The following TEX36 variants were observed in gnomAD, a reference collection of about 807,000 sequenced individuals.
TEX36 encodes the protein testis-expressed protein 36.
In TEX36, 12 loss-of-function variants were observed where a neutral mutation model predicts 13.6. The observed-to-expected ratio is 0.88, with a 90% CI of 0.56 to 1.43. The LOEUF is 1.43. Among genes scored for constraint, TEX36 ranks in the 40% most tolerant of loss-of-function variants. The pLI, the probability that TEX36 is intolerant of heterozygous loss-of-function variation, is 0.00. For missense variants in TEX36, 224 were observed against 228.3 expected (o/e 0.98, Z 0.12); for synonymous variants, 93 against 83.0 (o/e 1.12, Z -0.65).
chr10:125,618,942 TAAAAAAAAAA>T (rs11452140), downstream of TEX36, among the ~76,000 whole-genome samples: 758 of 43,588 alleles, frequency 0.017, 16 homozygotes, highest in African/African-American at 0.07. Flanking sequence ...CCGTCTCTAC[TAAAAAAAAAA>T]AAAAAAAAAA....
At chr10:125,603,823 A>T (rs1264491039) in intron 3 of TEX36, among the ~76,000 whole-genome samples, 2 of 152,116 alleles carry the variant, frequency 1.3e-5, no homozygotes, top group African/African-American at 2.4e-5. Context: ...CCACCGGAAC[A>T]CAGGACCCTC....
downstream of TEX36, among the ~76,000 whole-genome samples, chr10:125,651,511 C>A (rs2044369081): frequency 6.6e-6 from 1 of 152,106 alleles, no homozygotes; most frequent in Non-Finnish European, 1.5e-5. Flanking sequence ...ATAATAAGAG[C>A]TATTTATGAC....
intron 1 of TEX36, among the ~76,000 whole-genome samples, chr10:125,665,907 A>G (rs1222677144): frequency 6.6e-6 from 1 of 152,098 alleles, no homozygotes; most frequent in Non-Finnish European, 1.5e-5. Context: ...TCTTATAGAG[A>G]TATTTTACCT....
intron 1 of TEX36, among the ~76,000 whole-genome samples, chr10:125,669,480 CAAA>C (rs151234839): frequency 7.2e-6 from 1 of 138,428 alleles, no homozygotes; most frequent in Non-Finnish European, 1.6e-5. Flanking sequence ...AACTTTGTCT[CAAA>C]AAAAAAAAGA....
chr10:125,661,590 G>A (rs1484077324), intron 2 of TEX36, among the ~76,000 whole-genome samples: 3 of 152,158 alleles, frequency 2.0e-5, no homozygotes, highest in Middle Eastern at 3.2e-3. Flanking sequence ...GGAGGTGCAT[G>A]TTAATGAGCT....
At chr10:125,629,282 A>T (rs531711434) in intron 3 of TEX36, among the ~76,000 whole-genome samples, 1 of 152,338 alleles carries the variant, frequency 6.6e-6, no homozygotes, top group South Asian at 2.1e-4. Flanking sequence ...TTTTGAAAAA[A>T]CAATTTGTAA....
chr10:125,618,888 C>G (rs960277793), downstream of TEX36, among the ~76,000 whole-genome samples: 1 of 135,930 alleles, frequency 7.4e-6, no homozygotes, highest in African/African-American at 2.8e-5. Flanking sequence ...AGGTGGATCA[C>G]TAGGTCAGGA....
chr10:125,617,719 A>AT (rs1324539625), downstream of TEX36, among the ~76,000 whole-genome samples: 1 of 151,796 alleles, frequency 6.6e-6, no homozygotes, highest in African/African-American at 2.4e-5. Flanking sequence ...TGCCCTTAAC[A>AT]TTTTTTCCTT....
intron 3 of TEX36, among the ~76,000 whole-genome samples, chr10:125,614,435 A>T (rs1303144035): frequency 6.6e-6 from 1 of 151,490 alleles, no homozygotes; most frequent in Non-Finnish European, 1.5e-5. Context: ...TAAGTCTTTA[A>T]TCCATCTTGA....
chr10:125,640,989 T>C (rs1320717722), intron 3 of TEX36, among the ~76,000 whole-genome samples: 2 of 149,630 alleles, frequency 1.3e-5, no homozygotes, highest in Non-Finnish European at 1.5e-5. Context: ...CCCGGGAATC[T>C]TCAATATGGG....
intron 3 of TEX36, among the ~76,000 whole-genome samples, chr10:125,636,581 T>C (rs1235520261): frequency 1.3e-5 from 2 of 152,100 alleles, no homozygotes; most frequent in Non-Finnish European, 2.9e-5. Context: ...TTTGATACCT[T>C]CATAAAAGTT....
downstream of TEX36, among the ~76,000 whole-genome samples, chr10:125,617,692 T>C (rs1198721002): frequency 1.4e-4 from 22 of 152,272 alleles, no homozygotes; most frequent in African/African-American, 4.6e-4. Context: ...GAGGGTAACC[T>C]GACCTTTCTC....
intron 3 of TEX36, among the ~76,000 whole-genome samples, chr10:125,658,934 C>G (rs1846987724): frequency 6.6e-6 from 1 of 151,918 alleles, no homozygotes; most frequent in Admixed American, 6.6e-5. Flanking sequence ...AGTATGTGAA[C>G]TAAACATTCA....
chr10:125,581,182 C>T (rs73375961), intron 3 of TEX36, among the ~76,000 whole-genome samples: 5 of 152,320 alleles, frequency 3.3e-5, no homozygotes, highest in Non-Finnish European at 7.3e-5. Context: ...GTCTCTGATG[C>T]AACCAGGCAC....
At chr10:125,671,459 C>G (rs1030562015) in intron 1 of TEX36, among the ~76,000 whole-genome samples, 1 of 152,176 alleles carries the variant, frequency 6.6e-6, no homozygotes, top group Non-Finnish European at 1.5e-5. Context: ...ATTGAACCAG[C>G]CTTGCATCCT....
In TEX36 at chr10:125,648,084, T is replaced by C. The variant is rs529488797; in HGVS notation, c.264+12937A>G. On this transcript the variant is annotated intron_variant, in intron 3 of 3. Coordinates refer to the TEX36 transcript ENST00000526819. ...AGACTTCACCTCTGGGGGCAGGGCA[T>C]AGCCAAACAAAAGGCAGCAGAAACT... 2.7e-4 allele frequency among the ~76,000 whole-genome samples: 41 copies of C among 152,330 alleles called. 1 individual carries two copies. In the South Asian group the frequency reaches 8.1e-3, roughly 30 times the overall value.
intron 1 of TEX36, among the ~76,000 whole-genome samples, chr10:125,675,036 C>A (rs900323371): frequency 1.3e-5 from 2 of 152,234 alleles, no homozygotes; most frequent in African/African-American, 4.8e-5. Flanking sequence ...TCTGCTGATC[C>A]AGGGAGACCA....
chr10:125,641,344 G>A (rs1488400178), intron 3 of TEX36, among the ~76,000 whole-genome samples: 1 of 152,222 alleles, frequency 6.6e-6, no homozygotes, highest in Non-Finnish European at 1.5e-5. Flanking sequence ...AAAAGAGGCA[G>A]GCATTTAAAA....
intron 1 of TEX36, chr10:125,667,046 T>C: frequency 4.7e-6 from 7 of 1,488,518 alleles, no homozygotes; most frequent in Non-Finnish European, 6.4e-6. Flanking sequence ...GGCAGAGGCC[T>C]GCAGGGCTCG....
Sources: allele counts gnomAD v4.1 joint callset (sites outside exome capture counted in the v4.1 genomes callset), GRCh38; gene constraint gnomAD v4.1.1; transcripts MANE v1.5; gene names NCBI Gene and HGNC (gene_info 2026-07-23, HGNC 2026-07-21).